The following SATB2 variants were observed in gnomAD, a reference collection of about 807,000 sequenced individuals.
SATB2 encodes the protein SATB homeobox 2.
In SATB2, 1 loss-of-function variant was observed where a neutral mutation model predicts 73.4. That is an observed-to-expected ratio of 0.01 (90% CI 0.00 to 0.06). SATB2 has a LOEUF of 0.06. SATB2 is among the 10% of genes least tolerant of loss of function. The probability of loss-of-function intolerance (pLI) is 1.00; values close to 1 mark genes in which losing one functional copy is unlikely to be tolerated. For synonymous variants in SATB2, 397 were observed against 367.0 expected (o/e 1.08, Z -0.93); for missense variants, 459 against 945.8 (o/e 0.49, Z 6.75).
At chr2:199,424,784 T>G (rs1053711630) in intron 3 of SATB2, among the ~76,000 whole-genome samples, 12 of 152,240 alleles carry the variant, frequency 7.9e-5, no homozygotes, top group African/African-American at 2.9e-4. Flanking sequence ...CAAGACTTTT[T>G]TACTGTCCAT....
At chr2:199,381,256 C>T (rs1177754954) in intron 4 of SATB2, among the ~76,000 whole-genome samples, 1 of 152,118 alleles carries the variant, frequency 6.6e-6, no homozygotes, top group Non-Finnish European at 1.5e-5. Context: ...AAAAGATCTC[C>T]TATGTCAGGA....
At chr2:199,320,351 AT>A (rs931697402) in intron 9 of SATB2, among the ~76,000 whole-genome samples, 19 of 152,190 alleles carry the variant, frequency 1.2e-4, no homozygotes, top group Admixed American at 1.2e-3. Flanking sequence ...ACAGAAAATT[AT>A]TTTAAAACAC....
At chr2:199,322,248 C>A (rs1045954942) in intron 9 of SATB2, among the ~76,000 whole-genome samples, 9 of 152,190 alleles carry the variant, frequency 5.9e-5, no homozygotes, top group Non-Finnish European at 1.2e-4. Context: ...AACTAAGGGG[C>A]AGGTTTGCAA....
chr2:199,387,159 G>A (rs746908759), intron 3 of SATB2, among the ~76,000 whole-genome samples: 1 of 152,132 alleles, frequency 6.6e-6, no homozygotes, highest in Admixed American at 6.5e-5. Context: ...GACTTTTCAA[G>A]GACATAAGTG....
At chr2:199,338,240 T>C (rs369332238) in intron 7 of SATB2, among the ~76,000 whole-genome samples, 3 of 152,004 alleles carry the variant, frequency 2.0e-5, no homozygotes, top group East Asian at 1.9e-4. Context: ...TGGTGACACA[T>C]GGCTGTAATC....
chr2:199,355,318 ATATG>A (rs1386806329), intron 6 of SATB2, among the ~76,000 whole-genome samples: 8 of 122,556 alleles, frequency 6.5e-5, no homozygotes, highest in South Asian at 5.6e-4. Context: ...ATGTATATAC[ATATG>A]TATGTGTGTG....
rs1231634253 is a variant in SATB2 at position 199,283,247 on chromosome 2, C to CTT, written c.1741-10576_1741-10575insAA. 2.2e-4 allele frequency among the ~76,000 whole-genome samples: 5 copies of CTT among 22,318 alleles called. No individual in the cohort carries two copies. In the East Asian group the frequency reaches 4.8e-3, roughly 22 times the overall value. The allele number at this position is 22,318 out of a possible 152,430, so 14.6% of individuals were successfully genotyped here. The stretch of plus-strand genomic sequence containing the variant: ...TACAGGCGCCCGCCACCATGCCTAG[C>CTT]TATTTTTTTTTTTTTTGTATTTTTT... On this transcript the variant is annotated intron_variant, in intron 10 of 10. Coordinates refer to ENST00000417098, the MANE Select transcript of SATB2 (RefSeq NM_001172509.2).
At chr2:199,395,369 A>G (rs1035895165) in intron 3 of SATB2, among the ~76,000 whole-genome samples, 1 of 152,224 alleles carries the variant, frequency 6.6e-6, no homozygotes, top group African/African-American at 2.4e-5. Context: ...ATAAAGGGCA[A>G]GTCATTAATT....
intron 1 of SATB2, chr2:199,470,481 T>C (rs1380598303): frequency 2.0e-5 from 3 of 152,160 alleles, no homozygotes; most frequent in Middle Eastern, 3.1e-3. Context: ...TGCACTTGAC[T>C]CAAAACTGCC....
intron 8 of SATB2, among the ~76,000 whole-genome samples, chr2:199,326,443 A>G (rs1375244478): frequency 6.6e-6 from 1 of 152,106 alleles, no homozygotes; most frequent in African/African-American, 2.4e-5. Context: ...CAAAATACTG[A>G]CCCTAACTGT....
In SATB2 at chr2:199,270,464, G is replaced by C. The variant is rs1427591046; in HGVS notation, c.*1747C>G. 6.7e-6 allele frequency: 1 copy of C among 149,032 alleles called. No homozygotes were observed. Among genetic ancestry groups the C allele is most frequent in the African/African-American group, 2.5e-5 (1 of 40,364 alleles). 9.2% of individuals were successfully genotyped at this position (149,032 alleles called of 1,614,324 possible). On this transcript the variant is annotated 3_prime_UTR_variant, in exon 11 of 11. Coordinates refer to ENST00000417098, the MANE Select transcript of SATB2 (RefSeq NM_001172509.2). ...TAGTAAACAGAAAATAACTTTCAAA[G>C]TGATATTGCATGAGGTCTTTGACAA...
intron 6 of SATB2, among the ~76,000 whole-genome samples, chr2:199,365,057 C>G (rs1422804482): frequency 1.3e-5 from 2 of 151,906 alleles, no homozygotes; most frequent in Admixed American, 6.6e-5. Flanking sequence ...GAAAAAACTA[C>G]TTGGGTAAAT....
intron 6 of SATB2, among the ~76,000 whole-genome samples, chr2:199,354,163 G>A (rs1370759186): frequency 1.3e-5 from 2 of 152,134 alleles, no homozygotes; most frequent in Non-Finnish European, 2.9e-5. Flanking sequence ...TTCGAGACCA[G>A]CCTGACCAAC....
chr2:199,270,343 GT>G lies in SATB2; in HGVS notation c.*1867del, dbSNP rs1396511628. 6.6e-6 allele frequency: 1 copy of G among 151,796 alleles called. No homozygotes were observed. The highest frequency in any genetic ancestry group is 1.5e-5 in the Non-Finnish European group (1 of 67,860). 9.4% of individuals were successfully genotyped at this position (151,796 alleles called of 1,614,324 possible). A position where few individuals can be genotyped will look rare whatever the true frequency, so the allele number is the denominator to read the frequency against. ...TCTCCCTGTATATTGTAAGTTCTGAGTTAATATCTACACATAGAGGTTTTTT... is the reference window on the plus strand; with the variant it reads ...TCTCCCTGTATATTGTAAGTTCTGAGTAATATCTACACATAGAGGTTTTTT... On this transcript the variant is annotated 3_prime_UTR_variant, in exon 11 of 11. Transcript: ENST00000417098.
At chr2:199,299,622 CA>C (rs1687221152) in intron 10 of SATB2, among the ~76,000 whole-genome samples, 1 of 120,090 alleles carries the variant, frequency 8.3e-6, no homozygotes, top group Non-Finnish European at 2.0e-5. Context: ...GCTCAATGTA[CA>C]TGTGAAATTT....
intron 2 of SATB2, among the ~76,000 whole-genome samples, chr2:199,442,407 G>A (rs895753904): frequency 6.6e-6 from 1 of 152,304 alleles, no homozygotes; most frequent in Admixed American, 6.5e-5. Context: ...GGATGGGTGC[G>A]TAACAAAGTG....
At chr2:199,406,229 T>C (rs1432470725) in intron 3 of SATB2, among the ~76,000 whole-genome samples, 2 of 152,172 alleles carry the variant, frequency 1.3e-5, no homozygotes, top group African/African-American at 4.8e-5. Context: ...TCTATTATTA[T>C]TATTCTCTGC....
intron 3 of SATB2, among the ~76,000 whole-genome samples, chr2:199,399,035 C>T (rs1012050043): frequency 6.6e-6 from 1 of 152,080 alleles, no homozygotes; most frequent in African/African-American, 2.4e-5. Flanking sequence ...CTTTGGGAGG[C>T]CAAGGTGGGC....
chr2:199,419,066 G>C (rs1026092843), intron 3 of SATB2, among the ~76,000 whole-genome samples: 2 of 152,116 alleles, frequency 1.3e-5, no homozygotes, highest in African/African-American at 4.8e-5. Context: ...CGTTTTCCCA[G>C]AATCACCAGT....
Sources: gnomAD v4.1 joint callset for allele counts (sites outside exome capture counted in the v4.1 genomes callset) on GRCh38, gnomAD v4.1.1 for gene constraint, MANE v1.5 for transcripts, NCBI Gene and HGNC (gene_info 2026-07-23, HGNC 2026-07-21) for gene names.